COL6A6: variants seen among roughly 807,000 people sequenced by gnomAD.
The protein encoded by COL6A6 is collagen type VI alpha 6 chain.
In COL6A6, 183 loss-of-function variants were observed where a neutral mutation model predicts 208.6. The ratio of observed to expected loss-of-function variants is 0.88; its 90% CI spans 0.78 to 0.99. The LOEUF (loss-of-function observed/expected upper bound fraction) is 0.99, where lower values mean the gene tolerates loss of function less well. Among genes scored for constraint, COL6A6 ranks in the 50% least tolerant of loss-of-function variants. The pLI, the probability that COL6A6 is intolerant of heterozygous loss-of-function variation, is 0.00. For synonymous variants in COL6A6, 973 were observed against 1,011.8 expected (o/e 0.96, Z 0.73); for missense variants, 2,816 against 2,815.2 (o/e 1.00, Z -0.01).
intron 1 of COL6A6, among the ~76,000 whole-genome samples, chr3:130,551,404 A>G (rs138094912): frequency 0.013 from 1,977 of 152,188 alleles, 25 homozygotes; most frequent in Admixed American, 0.019. Context: ...GGAAGATTGT[A>G]TGTGTCCAGG....
At chr3:130,532,802 T>A (rs934518627) in intron 1 of COL6A6, among the ~76,000 whole-genome samples, 2 of 152,164 alleles carry the variant, frequency 1.3e-5, no homozygotes, top group Non-Finnish European at 2.9e-5. Context: ...AGTGAGATAG[T>A]GGCCAGAGTC....
intron 1 of COL6A6, among the ~76,000 whole-genome samples, chr3:130,518,423 C>T (rs1484893291): frequency 2.0e-5 from 3 of 152,206 alleles, no homozygotes; most frequent in African/African-American, 7.2e-5. Flanking sequence ...AAGTCACTTA[C>T]ATAAAAATCC....
At chr3:130,671,042 T>C (rs540233011) in intron 36 of COL6A6, among the ~76,000 whole-genome samples, 14 of 152,122 alleles carry the variant, frequency 9.2e-5, no homozygotes, top group African/African-American at 3.4e-4. Context: ...CTTCTGGCTG[T>C]TGGGAAAAGG....
At chr3:130,642,243 A>ATG (rs3074299) in intron 29 of COL6A6, among the ~76,000 whole-genome samples, 5,161 of 142,098 alleles carry the variant, frequency 0.036, 194 homozygotes, top group African/African-American at 0.086. Context: ...GACAGATTAT[A>ATG]TGTGTGTGTG....
intron 36 of COL6A6, among the ~76,000 whole-genome samples, chr3:130,667,851 T>C (rs1355271383): frequency 1.3e-5 from 2 of 151,744 alleles, no homozygotes; most frequent in African/African-American, 4.8e-5. Context: ...CTTGTATCAT[T>C]TGGGCCGGGG....
chr3:130,628,518 G>T (rs2064959491), intron 26 of COL6A6, among the ~76,000 whole-genome samples: 1 of 151,958 alleles, frequency 6.6e-6, no homozygotes, highest in Non-Finnish European at 1.5e-5. Flanking sequence ...TCTATTTTTT[G>T]ATTTTATACA....
chr3:130,536,689 C>A (rs1338880203), intron 1 of COL6A6, among the ~76,000 whole-genome samples: 3 of 152,176 alleles, frequency 2.0e-5, no homozygotes, highest in Non-Finnish European at 2.9e-5. Flanking sequence ...AAAGTGAAAT[C>A]AGTGCAGCTG....
At chr3:130,624,585 G>C (rs1235705437) in intron 24 of COL6A6, among the ~76,000 whole-genome samples, 1 of 152,150 alleles carries the variant, frequency 6.6e-6, no homozygotes, top group African/African-American at 2.4e-5. Flanking sequence ...AGGGGAAGTG[G>C]TGTCACTGGT....
At chr3:130,645,410 T>C (rs2065439219) in intron 32 of COL6A6, among the ~76,000 whole-genome samples, 1 of 152,112 alleles carries the variant, frequency 6.6e-6, no homozygotes, top group African/African-American at 2.4e-5. Flanking sequence ...CCGGAGTAGT[T>C]GGGACTACAG....
At chr3:130,581,024 G>A (rs1225248394) in intron 8 of COL6A6, among the ~76,000 whole-genome samples, 1 of 149,002 alleles carries the variant, frequency 6.7e-6, no homozygotes, top group Non-Finnish European at 1.5e-5. Context: ...TTTCTTTTCT[G>A]CATGGATGTT....
chr3:130,601,548 C>A (rs9882817), intron 20 of COL6A6, among the ~76,000 whole-genome samples: 2,442 of 152,240 alleles, frequency 0.016, 34 homozygotes, highest in Middle Eastern at 0.041. Flanking sequence ...AGAATATCAT[C>A]CAGGAAATCC....
chr3:130,526,985 TTTAAG>T (rs1267999422), intron 1 of COL6A6, among the ~76,000 whole-genome samples: 4 of 139,120 alleles, frequency 2.9e-5, no homozygotes, highest in African/African-American at 1.0e-4. Context: ...TCTCCGAGAG[TTTAAG>T]TTAAGGAAAT....
chr3:130,532,512 C>G (rs1187910360), intron 1 of COL6A6, among the ~76,000 whole-genome samples: 1 of 152,180 alleles, frequency 6.6e-6, no homozygotes, highest in Non-Finnish European at 1.5e-5. Flanking sequence ...GGCTGGTACA[C>G]TGACCAAAGC....
intron 32 of COL6A6, among the ~76,000 whole-genome samples, chr3:130,648,858 C>T (rs898008302): frequency 6.6e-6 from 1 of 151,962 alleles, no homozygotes; most frequent in East Asian, 1.9e-4. Flanking sequence ...AGATGTTTTC[C>T]TTTTGTGCTT....
At chr3:130,594,573 A>C (rs931286913) in intron 18 of COL6A6, among the ~76,000 whole-genome samples, 1 of 152,258 alleles carries the variant, frequency 6.6e-6, no homozygotes, top group East Asian at 1.9e-4. Context: ...TTGTAAATAC[A>C]TACTCAGAAT....
intron 20 of COL6A6, among the ~76,000 whole-genome samples, chr3:130,604,493 T>TAAA (rs1366185046): frequency 8.9e-6 from 1 of 112,624 alleles, no homozygotes; most frequent in African/African-American, 3.6e-5. Context: ...AGACTCCGTC[T>TAAA]CAAAAAAAAA....
At chr3:130,561,630 T>G (rs1198803234) in intron 2 of COL6A6, among the ~76,000 whole-genome samples, 2 of 139,722 alleles carry the variant, frequency 1.4e-5, no homozygotes, top group Non-Finnish European at 3.0e-5. Flanking sequence ...TCTAGTTGAA[T>G]CTACTTTTTT....
chr3:130,661,904 T>C lies in COL6A6; in HGVS notation c.6098T>C (p.Phe2033Ser). ...CAGAAGAGTCCAGTTAGAGCTGAGT[T>C]CAATCTTACCACCTACAGAAGTAAG... ...NTQKSPVRAE[F>S]NLTTYRSKRL... Residue 2033 changes from phenylalanine (F) to serine (S), a missense_variant, in exon 35 of 37, where the codon TTC (phenylalanine) becomes TCC (serine). By Grantham distance (155) the Phe-to-Ser change is radical (BLOSUM62 -2). Transcript: ENST00000358511. The C allele has an allele frequency of 6.2e-7, 1 of 1,613,926 alleles. No individual in the cohort carries two copies. Among genetic ancestry groups the C allele is most frequent in the Non-Finnish European group, 8.5e-7 (1 of 1,179,886 alleles).
intron 27 of COL6A6, among the ~76,000 whole-genome samples, 187 bp downstream of exon 27, chr3:130,634,812 G>A (rs1041072698): frequency 6.6e-6 from 1 of 152,184 alleles, no homozygotes; most frequent in African/African-American, 2.4e-5. Flanking sequence ...GTTTAGGAGT[G>A]TAAGGCTTAA....
Sources: allele counts gnomAD v4.1 joint callset (sites outside exome capture counted in the v4.1 genomes callset), GRCh38; gene constraint gnomAD v4.1.1; transcripts MANE v1.5; gene names NCBI Gene and HGNC (gene_info 2026-07-23, HGNC 2026-07-21).